Variants in ANO3 observed in about 807,000 individuals in gnomAD.
ANO3 encodes the protein anoctamin-3.
Under a neutral mutation model 144.8 loss-of-function variants are expected in ANO3, and 99 were observed. That is an observed-to-expected ratio of 0.68 (90% CI 0.58 to 0.81). The LOEUF (loss-of-function observed/expected upper bound fraction) is 0.81, where lower values mean the gene tolerates loss of function less well. Ranked by LOEUF, ANO3 falls within the 30% of genes least tolerant of loss-of-function variation. The probability of loss-of-function intolerance (pLI) is 0.00; values close to 1 mark genes in which losing one functional copy is unlikely to be tolerated. For synonymous variants in ANO3, 414 were observed against 392.6 expected (o/e 1.05, Z -0.64); for missense variants, 905 against 1,202.2 (o/e 0.75, Z 3.66).
chr11:26,281,333 C>T (rs1047149809), intron 1 of ANO3, among the ~76,000 whole-genome samples: 19 of 152,044 alleles, frequency 1.2e-4, no homozygotes, highest in African/African-American at 4.3e-4. Context: ...ATTTCCTAAT[C>T]ATATTCACGT....
chr11:26,194,486 G>A (rs1341583818), intron 1 of ANO3, among the ~76,000 whole-genome samples: 1 of 144,568 alleles, frequency 6.9e-6, no homozygotes, highest in Non-Finnish European at 1.5e-5. Flanking sequence ...GTGTGTGTGT[G>A]TATTATTTAT....
intron 14 of ANO3, among the ~76,000 whole-genome samples, chr11:26,580,684 A>G (rs929980638): frequency 3.9e-5 from 6 of 152,224 alleles, no homozygotes; most frequent in Admixed American, 3.9e-4. Flanking sequence ...TAACTACACT[A>G]TATCTACAAA....
At chr11:26,490,697 C>A (rs545673687) in intron 4 of ANO3, among the ~76,000 whole-genome samples, 52 of 152,310 alleles carry the variant, frequency 3.4e-4, no homozygotes, top group Non-Finnish European at 5.9e-4. Context: ...ATCAGATAGT[C>A]CAGATGCAGA....
At chr11:26,456,933 G>A (rs1859184847) in intron 3 of ANO3, among the ~76,000 whole-genome samples, 1 of 150,342 alleles carries the variant, frequency 6.7e-6, no homozygotes, top group African/African-American at 2.5e-5. Context: ...TAGGGACATG[G>A]ATGAAATTGG....
At chr11:26,492,587 C>G (rs1041013400) in intron 4 of ANO3, among the ~76,000 whole-genome samples, 1 of 152,278 alleles carries the variant, frequency 6.6e-6, no homozygotes, top group East Asian at 1.9e-4. Flanking sequence ...GTCCCACACT[C>G]AAAATATCAT....
In ANO3 at chr11:26,553,358, C is replaced by T; in HGVS notation, c.1386+13C>T. ...TATCTATGCCAAGGTGAGTGTGGAC[C>T]CTCACATTCTCCTCCCTGAGCTGTA... On this transcript the variant is annotated intron_variant, in intron 13 of 26. Coordinates refer to ENST00000256737, the MANE Select transcript of ANO3 (RefSeq NM_031418.4). 6.4e-7 allele frequency: 1 copy of T among 1,566,480 alleles called. No homozygotes were observed. Among genetic ancestry groups the T allele is most frequent in the South Asian group, 1.1e-5 (1 of 87,482 alleles).
At chr11:26,311,285 G>C (rs1854497268) in intron 1 of ANO3, among the ~76,000 whole-genome samples, 1 of 152,134 alleles carries the variant, frequency 6.6e-6, no homozygotes, top group Admixed American at 6.6e-5. Flanking sequence ...GCTACTACTA[G>C]GATTAGATGA....
chr11:26,448,858 C>T (rs1313070753), intron 3 of ANO3, among the ~76,000 whole-genome samples: 2 of 151,348 alleles, frequency 1.3e-5, no homozygotes, highest in African/African-American at 4.9e-5. Context: ...CACTGCTGCT[C>T]CTGGGTCCGT....
At chr11:26,240,057 C>T (rs972294155) in intron 1 of ANO3, among the ~76,000 whole-genome samples, 1 of 152,046 alleles carries the variant, frequency 6.6e-6, no homozygotes, top group Non-Finnish European at 1.5e-5. Flanking sequence ...TAACTCAGCC[C>T]CACTTATTGG....
chr11:26,237,025 T>C (rs1852547095), intron 1 of ANO3, among the ~76,000 whole-genome samples: 1 of 152,086 alleles, frequency 6.6e-6, no homozygotes, highest in South Asian at 2.1e-4. Context: ...CCTCTGCCCC[T>C]CCTTCTCCTA....
Position 26,626,671 on chromosome 11 carries a change from C to T in ANO3, c.1873+2173C>T, listed in dbSNP as rs188490221. On this transcript the variant is annotated intron_variant, in intron 18 of 26. Transcript: ENST00000256737. ...CCACTGCTGCCATAATCTGAAAACT[C>T]AGAAACTTCGCTTCCAGGAGATTTT... is the stretch of plus-strand genomic sequence containing the variant. Among the ~76,000 whole-genome samples the T allele has an allele frequency of 2.6e-5, 4 of 152,334 alleles. No individual in the cohort carries two copies. The East Asian group carries it at 7.7e-4, about 29-fold the overall frequency.
upstream of ANO3, chr11:26,332,064 G>C (rs1000168030): frequency 4.2e-6 from 6 of 1,412,120 alleles, no homozygotes; most frequent in Middle Eastern, 2.6e-4. Context: ...TAGCCGCTAA[G>C]GGGAGCCGGA....
intron 1 of ANO3, among the ~76,000 whole-genome samples, chr11:26,257,513 A>AC (rs1310825356): frequency 1.3e-5 from 2 of 152,140 alleles, no homozygotes; most frequent in Non-Finnish European, 1.5e-5. Flanking sequence ...TCTACTCAGT[A>AC]AAAAAATAAT....
chr11:26,381,656 T>C (rs533484406), intron 1 of ANO3, among the ~76,000 whole-genome samples: 81 of 152,320 alleles, frequency 5.3e-4, no homozygotes, highest in African/African-American at 1.9e-3. Context: ...AATGATTTCA[T>C]TGGCTGTCAT....
intron 4 of ANO3, among the ~76,000 whole-genome samples, chr11:26,464,400 TAAGAG>T (rs1407581042): frequency 1.3e-5 from 2 of 151,830 alleles, no homozygotes; most frequent in African/African-American, 2.4e-5. Flanking sequence ...GGAGGAGTTA[TAAGAG>T]AAATTAAGAT....
intron 11 of ANO3, among the ~76,000 whole-genome samples, chr11:26,544,281 T>TATATATATATATATATATATAA (rs1849729404): frequency 1.1e-5 from 1 of 86,990 alleles, no homozygotes; most frequent in Non-Finnish European, 2.4e-5. Flanking sequence ...TATACACACA[T>TATATATATATATATATATATAA]ACACACACAC....
chr11:26,388,819 C>T (rs1258353727), intron 1 of ANO3, among the ~76,000 whole-genome samples: 1 of 152,076 alleles, frequency 6.6e-6, no homozygotes, highest in Non-Finnish European at 1.5e-5. Flanking sequence ...TATAAATAAA[C>T]ATATACATGT....
At chr11:26,584,239 A>G (rs1590587642) in intron 14 of ANO3, among the ~76,000 whole-genome samples, 1 of 151,778 alleles carries the variant, frequency 6.6e-6, no homozygotes, top group South Asian at 2.1e-4. Context: ...GCTCACTGCA[A>G]CCTCCGCCTC....
chr11:26,559,913 C>A, intron 14 of ANO3, 134 bp downstream of exon 14: 1 of 677,722 alleles, frequency 1.5e-6, no homozygotes, highest in Non-Finnish European at 2.5e-6. Context: ...TAGGTTGGTA[C>A]TTGATTTGTT....
Sources: allele counts gnomAD v4.1 joint callset (sites outside exome capture counted in the v4.1 genomes callset), GRCh38; gene constraint gnomAD v4.1.1; transcripts MANE v1.5; gene names NCBI Gene and HGNC (gene_info 2026-07-23, HGNC 2026-07-21).